RBFOX3: variants seen among roughly 807,000 people sequenced by gnomAD.
RBFOX3 encodes the protein RNA binding fox-1 homolog 3.
A neutral mutation model predicts 48.7 loss-of-function variants in RBFOX3; 17 were observed. The ratio of observed to expected loss-of-function variants is 0.35; its 90% CI spans 0.24 to 0.52. The LOEUF is 0.52. Among genes scored for constraint, RBFOX3 ranks in the 20% least tolerant of loss-of-function variants. RBFOX3 has a pLI of 0.94. For missense variants in RBFOX3, 382 were observed against 497.5 expected, an observed-to-expected ratio of 0.77 and a Z score of 2.21; for synonymous variants, 212 against 209.5, an observed-to-expected ratio of 1.01 and a Z score of -0.10.
At chr17:79,291,665 A>G (rs568391039) in intron 3 of RBFOX3, among the ~76,000 whole-genome samples, 1 of 152,230 alleles carries the variant, frequency 6.6e-6, no homozygotes, top group South Asian at 2.1e-4. Context: ...CCAAACAGGG[A>G]GTTTTCTCTG....
At chr17:79,617,174 T>TC in the RBFOX3 span, among the ~76,000 whole-genome samples, 1 of 152,182 alleles carries the variant, frequency 6.6e-6, no homozygotes, top group Admixed American at 6.5e-5. Context: ...TCTAGTTTCA[T>TC]CTTGTCTTCC....
the RBFOX3 span, among the ~76,000 whole-genome samples, chr17:79,645,960 G>A: frequency 2.6e-5 from 4 of 152,222 alleles, no homozygotes; most frequent in East Asian, 3.9e-4. Context: ...TGCACCTCCC[G>A]CAAAAACTGT....
chr17:79,304,531 C>T (rs550897200), intron 3 of RBFOX3, among the ~76,000 whole-genome samples: 5 of 151,698 alleles, frequency 3.3e-5, no homozygotes, highest in African/African-American at 1.2e-4. Flanking sequence ...TAGAAGATCA[C>T]ACACATCACA....
At chr17:79,442,609 C>G (rs1229854868) in intron 2 of RBFOX3, among the ~76,000 whole-genome samples, 5 of 152,116 alleles carry the variant, frequency 3.3e-5, no homozygotes, top group African/African-American at 1.2e-4. Context: ...TAGGACTCTG[C>G]TACAATTGTG....
chr17:79,132,375 G>A (rs1406417367), intron 4 of RBFOX3, among the ~76,000 whole-genome samples: 5 of 152,202 alleles, frequency 3.3e-5, no homozygotes, highest in Non-Finnish European at 5.9e-5. Context: ...GATGAGCAGC[G>A]GCCTACAGCC....
chr17:79,330,679 G>C (rs1017792085), intron 2 of RBFOX3, among the ~76,000 whole-genome samples: 1 of 152,058 alleles, frequency 6.6e-6, no homozygotes, highest in Non-Finnish European at 1.5e-5. Context: ...CCAGCCCCAC[G>C]GCCACCATGT....
At position 79,380,610 on chromosome 17, in the gene RBFOX3, A is replaced by G. The variant is rs558226441; in HGVS notation, c.-174-72786T>C. 1.9e-3 allele frequency among the ~76,000 whole-genome samples: 284 copies of G among 152,244 alleles called. 2 individuals carry two copies. Among genetic ancestry groups the G allele is most frequent in the Non-Finnish European group, 3.4e-3 (232 of 68,020 alleles). ...ATTTGTCCTTTGGAAATGGGAGAAAAATGGGTGAGGGGCAGGCACTCAGGA... is the reference window on the plus strand; with the variant it reads ...ATTTGTCCTTTGGAAATGGGAGAAAGATGGGTGAGGGGCAGGCACTCAGGA... On this transcript the variant is annotated intron_variant, in intron 2 of 14. Transcript: ENST00000693108.
chr17:79,355,563 C>A (rs773881945), intron 2 of RBFOX3, among the ~76,000 whole-genome samples: 1 of 152,080 alleles, frequency 6.6e-6, no homozygotes, highest in Non-Finnish European at 1.5e-5. Context: ...CTGAATATAC[C>A]CCAAGCCTGT....
the RBFOX3 span, among the ~76,000 whole-genome samples, chr17:79,638,633 A>G: frequency 6.6e-6 from 1 of 152,188 alleles, no homozygotes; most frequent in Non-Finnish European, 1.5e-5. Flanking sequence ...GTGGGACCTA[A>G]TGGGAGGTGT....
Position 79,423,419 on chromosome 17 carries a change from G to A in RBFOX3, c.-175+59035C>T, listed in dbSNP as rs2066792289. ...TCCGGCGCCACCACCTCTGCCGGAC[G>A]TTTGCTATCTCTCTACCTCCGTGCC... On this transcript the variant is annotated intron_variant, in intron 2 of 14. Coordinates refer to ENST00000693108, the MANE Select transcript of RBFOX3 (RefSeq NM_001350451.2). The surrounding 1 kb of genome is among the most constrained non-coding windows in gnomAD (Gnocchi z 4.9). Among the ~76,000 whole-genome samples, 1 of 152,104 alleles carries A rather than the reference G, an allele frequency of 6.6e-6. No individual in the cohort carries two copies. The highest frequency in any genetic ancestry group is 1.5e-5 in the Non-Finnish European group (1 of 68,018).
At chr17:79,602,988 C>CTTTTT (rs35479641) in intron 1 of RBFOX3, among the ~76,000 whole-genome samples, 1 of 99,160 alleles carries the variant, frequency 1.0e-5, no homozygotes. Flanking sequence ...TTGAGCTACC[C>CTTTTT]TTTTTTTTTT....
At chr17:79,110,483 G>A (rs1411327396) in intron 5 of RBFOX3, among the ~76,000 whole-genome samples, 1 of 152,216 alleles carries the variant, frequency 6.6e-6, no homozygotes, top group Non-Finnish European at 1.5e-5. Context: ...GGCTGTTGTT[G>A]GCACGGAACC....
intron 1 of RBFOX3, among the ~76,000 whole-genome samples, chr17:79,488,148 A>G (rs557184286): frequency 6.6e-6 from 1 of 152,276 alleles, no homozygotes; most frequent in Admixed American, 6.5e-5. Flanking sequence ...CAAACAGCCA[A>G]GCATACATCC....
chr17:79,229,897 G>A (rs1405684400), intron 4 of RBFOX3, among the ~76,000 whole-genome samples: 1 of 152,182 alleles, frequency 6.6e-6, no homozygotes, highest in Non-Finnish European at 1.5e-5. Context: ...TTTTGAACAG[G>A]CCTGTTGTAC....
intron 9 of RBFOX3, among the ~76,000 whole-genome samples, chr17:79,101,200 G>A (rs138189805): frequency 1.5e-4 from 23 of 152,260 alleles, no homozygotes; most frequent in African/African-American, 2.6e-4. Context: ...ACTGGGAATC[G>A]GTGCAGCAGG....
intron 2 of RBFOX3, among the ~76,000 whole-genome samples, chr17:79,438,052 A>T (rs959911709): frequency 6.6e-6 from 1 of 152,050 alleles, no homozygotes; most frequent in Non-Finnish European, 1.5e-5. Context: ...GCATGCACAC[A>T]CAGGTATACA....
At chr17:79,449,975 G>A (rs1555740563) in intron 2 of RBFOX3, among the ~76,000 whole-genome samples, 1 of 152,190 alleles carries the variant, frequency 6.6e-6, no homozygotes, top group East Asian at 1.9e-4. Context: ...CACTAGGGGG[G>A]AAGATGTTAG....
chr17:79,455,648 C>A (rs2074347698), intron 2 of RBFOX3, among the ~76,000 whole-genome samples: 1 of 152,202 alleles, frequency 6.6e-6, no homozygotes, highest in African/African-American at 2.4e-5. Context: ...CCTATCCACA[C>A]ACACATTCAT....
intron 2 of RBFOX3, among the ~76,000 whole-genome samples, chr17:79,319,028 A>T (rs944973238): frequency 4.1e-5 from 6 of 145,990 alleles, no homozygotes; most frequent in South Asian, 2.2e-4. Flanking sequence ...TACAATAATT[A>T]AAAAAAAAAA....
Sources: gnomAD v4.1 joint callset for allele counts (sites outside exome capture counted in the v4.1 genomes callset) on GRCh38, gnomAD v4.1.1 for gene constraint, Gnocchi (gnomAD v3.1) non-coding constraint, MANE v1.5 for transcripts, NCBI Gene and HGNC (gene_info 2026-07-23, HGNC 2026-07-21) for gene names.